The following PCDH9 variants were observed in gnomAD, a reference collection of about 807,000 sequenced individuals.
The protein encoded by PCDH9 is protocadherin 9.
A neutral mutation model predicts 70.6 loss-of-function variants in PCDH9; 24 were observed. The observed-to-expected ratio is 0.34, with a 90% CI of 0.25 to 0.48. The LOEUF is 0.48. Ranked by LOEUF, PCDH9 falls within the 20% of genes least tolerant of loss-of-function variation. The probability of loss-of-function intolerance (pLI) is 0.99; values close to 1 mark genes in which losing one functional copy is unlikely to be tolerated. For missense variants in PCDH9, 1,281 were observed against 1,503.6 expected, an observed-to-expected ratio of 0.85 and a Z score of 2.45; for synonymous variants, 562 against 558.5, an observed-to-expected ratio of 1.01 and a Z score of -0.09.
intron 4 of PCDH9, among the ~76,000 whole-genome samples, chr13:66,425,787 A>T (rs931879537): frequency 1.1e-4 from 16 of 151,792 alleles, no homozygotes; most frequent in African/African-American, 3.9e-4. Context: ...ACTAATACTT[A>T]TCATACATTG....
At chr13:66,396,525 A>G (rs1957103794) in intron 4 of PCDH9, among the ~76,000 whole-genome samples, 1 of 152,220 alleles carries the variant, frequency 6.6e-6, no homozygotes, top group South Asian at 2.1e-4. Flanking sequence ...AAGTCATTAC[A>G]TCCCCCAATG....
chr13:66,952,084 T>A, intron 2 of PCDH9, among the ~76,000 whole-genome samples: 1 of 152,222 alleles, frequency 6.6e-6, no homozygotes, highest in South Asian at 2.1e-4. Context: ...TTTTGTTGTA[T>A]CTTCAATATG....
chr13:66,993,574 G>C (rs1259540189), intron 2 of PCDH9, among the ~76,000 whole-genome samples: 1 of 152,072 alleles, frequency 6.6e-6, no homozygotes, highest in Non-Finnish European at 1.5e-5. Context: ...CAAAGTTTTG[G>C]CCACTATCAT....
At chr13:66,316,943 G>A (rs187618529) in intron 4 of PCDH9, among the ~76,000 whole-genome samples, 18 of 151,996 alleles carry the variant, frequency 1.2e-4, no homozygotes, top group Admixed American at 1.2e-3. Flanking sequence ...GACTGGCTTT[G>A]ACCTCCTGAT....
At chr13:66,898,247 A>T (rs567342152) in intron 3 of PCDH9, among the ~76,000 whole-genome samples, 1 of 152,146 alleles carries the variant, frequency 6.6e-6, no homozygotes, top group East Asian at 1.9e-4. Flanking sequence ...TTATTCCCCA[A>T]ATATGTATGC....
chr13:66,445,559 TATATACGTGTATATATTA>T (rs1958064328), intron 4 of PCDH9, among the ~76,000 whole-genome samples: 5 of 142,008 alleles, frequency 3.5e-5, no homozygotes, highest in African/African-American at 1.3e-4. Context: ...ACATATATAA[TATATACGTGTATATATTA>T]TATATACACA....
At chr13:66,474,960 C>G (rs1007928611) in intron 4 of PCDH9, among the ~76,000 whole-genome samples, 2 of 152,034 alleles carry the variant, frequency 1.3e-5, no homozygotes, top group Non-Finnish European at 2.9e-5. Flanking sequence ...GTGTCTACAG[C>G]TGCAATTTTC....
At chr13:66,810,967 T>C (rs535171307) in intron 3 of PCDH9, among the ~76,000 whole-genome samples, 1 of 152,198 alleles carries the variant, frequency 6.6e-6, no homozygotes, top group South Asian at 2.1e-4. Flanking sequence ...ATGATATTCA[T>C]CACTGGTAAT....
At chr13:66,791,503 A>G (rs945424531) in intron 3 of PCDH9, among the ~76,000 whole-genome samples, 2 of 152,106 alleles carry the variant, frequency 1.3e-5, no homozygotes, top group Non-Finnish European at 2.9e-5. Context: ...AAGTAATTGC[A>G]GTTTTTGCCA....
At chr13:66,555,426 A>G (rs993333670) in intron 4 of PCDH9, among the ~76,000 whole-genome samples, 12 of 150,752 alleles carry the variant, frequency 8.0e-5, no homozygotes, top group African/African-American at 2.9e-4. Flanking sequence ...GGGGAAAAAA[A>G]AAAAAAGCAA....
At chr13:66,574,776 C>T (rs536447128) in intron 4 of PCDH9, among the ~76,000 whole-genome samples, 1 of 152,310 alleles carries the variant, frequency 6.6e-6, no homozygotes, top group Non-Finnish European at 1.5e-5. Context: ...TGGAATGTGG[C>T]TTCTGCCCTT....
In PCDH9 at chr13:66,617,853, G is replaced by GGGGA. The variant is rs1363847933; in HGVS notation, c.3340+13356_3340+13357insTCCC. 1.3e-3 allele frequency among the ~76,000 whole-genome samples: 200 copies of GGGGA among 152,328 alleles called. 1 individual carries two copies. The highest frequency in any genetic ancestry group is 4.6e-3 in the African/African-American group (192 of 41,568). Reference sequence around the variant, plus strand: ...TTAGATAAGCCCCTGAGGGACCTCAGACTGCCGTTTCCACAAAACGGCGTC... The same window carrying GGGGA: ...TTAGATAAGCCCCTGAGGGACCTCAGGGGAACTGCCGTTTCCACAAAACGGCGTC... On this transcript the variant is annotated intron_variant, in intron 4 of 4. Coordinates refer to ENST00000377865, the MANE Select transcript of PCDH9 (RefSeq NM_203487.3).
intron 2 of PCDH9, among the ~76,000 whole-genome samples, chr13:67,075,481 C>T (rs2085860267): frequency 1.3e-5 from 2 of 152,112 alleles, no homozygotes; most frequent in South Asian, 4.1e-4. Flanking sequence ...CCATTCTCTG[C>T]TACAGCCTCT....
At chr13:66,402,364 A>T (rs1262792658) in intron 4 of PCDH9, among the ~76,000 whole-genome samples, 1 of 152,186 alleles carries the variant, frequency 6.6e-6, no homozygotes. Flanking sequence ...TGTATTTTTT[A>T]ATAAAAGCAA....
chr13:66,995,986 C>T (rs992458719), intron 2 of PCDH9, among the ~76,000 whole-genome samples: 7 of 151,796 alleles, frequency 4.6e-5, no homozygotes, highest in African/African-American at 1.5e-4. Context: ...TAATTATTTG[C>T]AATTAATTCG....
chr13:66,847,079 T>C (rs116785411), intron 3 of PCDH9, among the ~76,000 whole-genome samples: 2 of 152,152 alleles, frequency 1.3e-5, no homozygotes, highest in South Asian at 4.1e-4. Flanking sequence ...AAATAACACA[T>C]CTTCTAAGTT....
At chr13:66,598,541 G>A (rs996319505) in intron 4 of PCDH9, among the ~76,000 whole-genome samples, 2 of 151,732 alleles carry the variant, frequency 1.3e-5, no homozygotes, top group African/African-American at 2.4e-5. Context: ...TTAGGGCCTT[G>A]ATTTATGCAA....
At chr13:66,389,160 C>T (rs1008404802) in intron 4 of PCDH9, among the ~76,000 whole-genome samples, 18 of 152,038 alleles carry the variant, frequency 1.2e-4, no homozygotes, top group South Asian at 2.1e-4. Flanking sequence ...TAGAAATTCA[C>T]GATTTCAAAT....
At chr13:67,041,460 C>G (rs764562235) in intron 2 of PCDH9, among the ~76,000 whole-genome samples, 1 of 152,088 alleles carries the variant, frequency 6.6e-6, no homozygotes, top group African/African-American at 2.4e-5. Context: ...CTTTCTCTCC[C>G]TGAAGCTGTA....
Sources: allele counts gnomAD v4.1 joint callset (sites outside exome capture counted in the v4.1 genomes callset), GRCh38; gene constraint gnomAD v4.1.1; transcripts MANE v1.5; gene names NCBI Gene and HGNC (gene_info 2026-07-23, HGNC 2026-07-21).